The following PCM1 variants were observed in gnomAD, a reference collection of about 807,000 sequenced individuals.
PCM1 encodes pericentriolar material 1 protein.
In PCM1, 157 loss-of-function variants were observed where a neutral mutation model predicts 241.9. That is an observed-to-expected ratio of 0.65 (90% CI 0.57 to 0.74). PCM1 has a LOEUF of 0.74. Among genes scored for constraint, PCM1 ranks in the 30% least tolerant of loss-of-function variants. PCM1 has a pLI of 0.00. For missense variants in PCM1, 3,478 were observed against 2,360.1 expected (o/e 1.47, Z -9.81); for synonymous variants, 1,085 against 784.9 (o/e 1.38, Z -6.39).
At chr8:17,945,511 A>G (rs2063466437) in intron 6 of PCM1, among the ~76,000 whole-genome samples, 1 of 152,178 alleles carries the variant, frequency 6.6e-6, no homozygotes, top group African/African-American at 2.4e-5. Flanking sequence ...ATTATAGCCA[A>G]CTTCCTATTT....
intron 6 of PCM1, among the ~76,000 whole-genome samples, chr8:17,944,205 G>A (rs1466901004): frequency 6.6e-6 from 1 of 152,062 alleles, no homozygotes; most frequent in East Asian, 1.9e-4. Context: ...ACCAGCTATG[G>A]TTCTTCAGAC....
At chr8:17,975,037 G>C (rs989190355) in intron 23 of PCM1, among the ~76,000 whole-genome samples, 2 of 152,078 alleles carry the variant, frequency 1.3e-5, no homozygotes, top group Non-Finnish European at 2.9e-5. Context: ...TATTAGAAAT[G>C]CGTGCTTTTG....
At position 18,011,833 on chromosome 8, in the gene PCM1, C is replaced by G. The variant is rs1244276620; in HGVS notation, c.5511+6C>G. 1 of 1,607,566 alleles carries G rather than the reference C, an allele frequency of 6.2e-7. No individual in the cohort carries two copies. Among genetic ancestry groups the G allele is most frequent in the Non-Finnish European group, 8.5e-7 (1 of 1,177,744 alleles). ...AAAATGAACATGATGAACAGGTATT[C>G]CCGTATTGACTGACACACTTCCATC... On this transcript the variant is annotated splice_donor_region_variant and intron_variant, in intron 34 of 38. Transcript: ENST00000325083.
At chr8:17,966,951 TCTTA>T (rs1457966778) in intron 20 of PCM1, 25 bp from the exon 21 acceptor site, 1 of 1,560,278 alleles carries the variant, frequency 6.4e-7, no homozygotes, top group Non-Finnish European at 8.7e-7. Context: ...TATAACTGAT[TCTTA>T]GATTACTGAC....
chr8:17,941,546 AAAAG>A (rs71215289), intron 6 of PCM1, among the ~76,000 whole-genome samples: 4,314 of 151,754 alleles, frequency 0.028, 96 homozygotes, highest in East Asian at 0.082. Flanking sequence ...TTTTTTAAAA[AAAAG>A]GTGGACTGGT....
rs1021903414 is a variant in PCM1 at position 17,924,800 on chromosome 8, T to G, written c.-23+20T>G. 1.3e-5 allele frequency: 2 copies of G among 152,236 alleles called. No individual in the cohort carries two copies. The highest frequency in any genetic ancestry group is 1.3e-4 in the Admixed American group (2 of 15,284). 9.4% of individuals were successfully genotyped at this position (152,236 alleles called of 1,614,324 possible). ...AAACAGGTAATTTGACATTATTATCTGTATTATCCTTTGTATTAGAGTTGG... is the reference window on the plus strand; with the variant it reads ...AAACAGGTAATTTGACATTATTATCGGTATTATCCTTTGTATTAGAGTTGG... On this transcript the variant is annotated intron_variant, in intron 2 of 38. Transcript: ENST00000325083.
intron 16 of PCM1, chr8:17,962,824 A>C (rs1236167568): frequency 8.8e-6 from 2 of 228,204 alleles, no homozygotes; most frequent in Non-Finnish European, 1.7e-5. Context: ...AATCACTTGA[A>C]CCTGGGAGGC....
rs141405072 is a variant in PCM1, at chr8:17,960,126, A to G, written c.2153A>G (p.Asn718Ser). 4.8e-5 allele frequency: 77 copies of G among 1,594,474 alleles called. No individual in the cohort carries two copies. The African/African-American group carries it at 8.3e-4, about 17-fold the overall frequency. Reference protein sequence around the residue: ...QNSNNTRGNANKTQKDTGVNE... With the variant: ...QNSNNTRGNASKTQKDTGVNE... Reference sequence around the variant, plus strand: ...TCAAATAACACTAGAGGAAATGCCAATAAAACACAGAAAGATACTGGAGTA... The same window carrying G: ...TCAAATAACACTAGAGGAAATGCCAGTAAAACACAGAAAGATACTGGAGTA... The change falls in exon 14 of 39, where the codon AAT becomes AGT. Residue 718 changes from asparagine to serine, a missense_variant. By Grantham distance (46) the Asn-to-Ser change is conservative (BLOSUM62 1). Coordinates refer to ENST00000325083, the MANE Select transcript of PCM1 (RefSeq NM_006197.4).
At chr8:17,994,697 C>T (rs1203824470) in intron 29 of PCM1, among the ~76,000 whole-genome samples, 1 of 152,116 alleles carries the variant, frequency 6.6e-6, no homozygotes, top group Non-Finnish European at 1.5e-5. Flanking sequence ...TCCTCGCCAG[C>T]ATTTATTATT....
intron 26 of PCM1, among the ~76,000 whole-genome samples, chr8:17,988,362 TGTAA>T (rs1269644008): frequency 1.3e-5 from 2 of 151,806 alleles, no homozygotes; most frequent in African/African-American, 2.4e-5. Context: ...ATAATCAAAG[TGTAA>T]GTGAGACACC....
chr8:17,950,808 A>C (rs1458547846), intron 8 of PCM1, 84 bp downstream of exon 8: 5 of 766,808 alleles, frequency 6.5e-6, no homozygotes, highest in Admixed American at 2.3e-5. Context: ...GAGCATACAT[A>C]TCACCTGGCA....
Position 17,989,917 on chromosome 8 carries a change from C to G in PCM1, c.4469C>G (p.Ala1490Gly), listed in dbSNP as rs757692891. ...CATAAAATAAGTGAGCAAAATGATG[C>G]TGATAATGCTAGTGTCCTGTCTGTA... is the stretch of plus-strand genomic sequence containing the variant. Reference protein sequence around the residue: ...ETHKISEQNDADNASVLSVSS... With the variant: ...ETHKISEQNDGDNASVLSVSS... The change falls in exon 27 of 39, where the codon GCT becomes GGT. Residue 1490 changes from alanine (A) to glycine (G), a missense_variant. By Grantham distance (60) the Ala-to-Gly change is moderately conservative. Transcript: ENST00000325083. 1.3e-5 allele frequency: 20 copies of G among 1,545,152 alleles called. 1 individual carries two copies. The South Asian group carries it at 2.0e-4, about 16-fold the overall frequency.
chr8:18,005,017 A>G (rs891049517), intron 29 of PCM1, among the ~76,000 whole-genome samples: 7 of 152,096 alleles, frequency 4.6e-5, no homozygotes, highest in Admixed American at 2.0e-4. Context: ...TTTTTCACGT[A>G]TTAGCTGTTT....
chr8:18,024,602 GATTATAAAAGCTCTTGA>G (rs1460786936), intron 36 of PCM1, among the ~76,000 whole-genome samples: 1 of 152,134 alleles, frequency 6.6e-6, no homozygotes, highest in East Asian at 1.9e-4. Flanking sequence ...GTCAAAGGTA[GATTATAAAAGCTCTTGA>G]ATTTGAATTT....
chr8:17,983,429 T>C (rs1322584565), intron 24 of PCM1: 4 of 330,942 alleles, frequency 1.2e-5, no homozygotes, highest in African/African-American at 2.2e-5. Context: ...AAAGATAATT[T>C]ATATTCATAA....
In PCM1 at chr8:17,953,092, C is replaced by T. The variant is rs1466449733; in HGVS notation, c.1194C>T (p.Ser398=). 6.2e-7 allele frequency: 1 copy of T among 1,602,390 alleles called. No individual in the cohort carries two copies. The highest frequency in any genetic ancestry group is 1.7e-5 in the Admixed American group (1 of 58,436). The part of the protein sequence containing the change: ...RLPDEKVELF[S]KMRVLQEKKQ... The stretch of plus-strand genomic sequence containing the variant: ...CTGATGAGAAAGTCGAACTTTTTAG[C>T]AAAATGAGAGTGCTACAGGAAAAGA... The change falls in exon 9 of 39, where the codon AGC becomes AGT. Residue 398 remains serine, a synonymous_variant. Transcript: ENST00000325083.
At chr8:17,968,762 G>GTATATA (rs1554688770) in intron 21 of PCM1, among the ~76,000 whole-genome samples, 12 of 136,782 alleles carry the variant, frequency 8.8e-5, no homozygotes, top group African/African-American at 2.7e-4. Context: ...GTGTGTGTGT[G>GTATATA]TATATATATA....
chr8:17,971,735 A>G (rs181674404), intron 22 of PCM1, among the ~76,000 whole-genome samples: 1 of 151,676 alleles, frequency 6.6e-6, no homozygotes, highest in East Asian at 1.9e-4. Context: ...TCCTCCCTTG[A>G]TTTTTCTTTT....
chr8:18,024,898 T>C (rs2094058716), intron 36 of PCM1: 1 of 152,294 alleles, frequency 6.6e-6, no homozygotes, highest in South Asian at 2.1e-4. Flanking sequence ...AAAAATAGAA[T>C]TCAAGTTTAG....
Sources: allele counts gnomAD v4.1 joint callset (sites outside exome capture counted in the v4.1 genomes callset), GRCh38; gene constraint gnomAD v4.1.1; transcripts MANE v1.5; gene names NCBI Gene and HGNC (gene_info 2026-07-23, HGNC 2026-07-21).